TMCC1: variants seen among roughly 807,000 people sequenced by gnomAD.
TMCC1 encodes transmembrane and coiled-coil domain family 1, also known as transmembrane and coiled-coil domains protein 1.
In TMCC1, 15 loss-of-function variants were observed where a neutral mutation model predicts 52.4. That is an observed-to-expected ratio of 0.29 (90% confidence interval 0.19 to 0.44). The LOEUF is 0.44. Ranked by LOEUF, TMCC1 falls within the 20% of genes least tolerant of loss-of-function variation. The pLI is 1.00. For synonymous variants in TMCC1, 279 were observed against 301.9 expected, an observed-to-expected ratio of 0.92 and a Z score of 0.79; for missense variants, 503 against 806.0, an observed-to-expected ratio of 0.62 and a Z score of 4.55.
intron 4 of TMCC1, among the ~76,000 whole-genome samples, chr3:129,743,325 G>A (rs1237859597): frequency 6.6e-6 from 1 of 152,118 alleles, no homozygotes; most frequent in Non-Finnish European, 1.5e-5. Flanking sequence ...AGGATGATTT[G>A]CTTGTAGTTT....
At chr3:129,728,883 T>A (rs184399617) in intron 4 of TMCC1, among the ~76,000 whole-genome samples, 151 of 152,352 alleles carry the variant, frequency 9.9e-4, no homozygotes, top group African/African-American at 3.4e-3. Flanking sequence ...GCATAAAGGA[T>A]GATGCATGTA....
intron 4 of TMCC1, among the ~76,000 whole-genome samples, chr3:129,707,909 C>A (rs890503544): frequency 6.6e-6 from 1 of 150,414 alleles, no homozygotes; most frequent in Non-Finnish European, 1.5e-5. Flanking sequence ...TCCAGCCTGG[C>A]GACAGAGCAA....
chr3:129,859,429 G>A (rs2060282944), intron 2 of TMCC1, among the ~76,000 whole-genome samples: 1 of 152,098 alleles, frequency 6.6e-6, no homozygotes. Flanking sequence ...TTGAGGCCAG[G>A]AGTTTGAGAA....
At chr3:129,788,702 T>A (rs1653328479) in intron 4 of TMCC1, among the ~76,000 whole-genome samples, 1 of 151,842 alleles carries the variant, frequency 6.6e-6, no homozygotes, top group Admixed American at 6.6e-5. Context: ...TCTCCTGACC[T>A]CGTGATCCGC....
At chr3:129,814,783 C>A (rs2058014907) in intron 4 of TMCC1, among the ~76,000 whole-genome samples, 1 of 152,008 alleles carries the variant, frequency 6.6e-6, no homozygotes, top group South Asian at 2.1e-4. Context: ...GATTACAAAT[C>A]GAAGACTATA....
chr3:129,815,141 A>G (rs2058034006), intron 4 of TMCC1, among the ~76,000 whole-genome samples: 1 of 152,192 alleles, frequency 6.6e-6, no homozygotes, highest in African/African-American at 2.4e-5. Flanking sequence ...TCTCCAGAAG[A>G]GACCATATCT....
chr3:129,855,680 C>A (rs1342736921), intron 2 of TMCC1, among the ~76,000 whole-genome samples: 1 of 152,142 alleles, frequency 6.6e-6, no homozygotes, highest in East Asian at 1.9e-4. Flanking sequence ...ACAACAAAAA[C>A]CCCACATGAC....
chr3:129,708,727 A>G (rs1049820834), intron 4 of TMCC1, among the ~76,000 whole-genome samples: 1 of 152,226 alleles, frequency 6.6e-6, no homozygotes, highest in African/African-American at 2.4e-5. Context: ...CCAGGCTGAC[A>G]TTTATCTAAA....
chr3:129,872,052 T>C (rs2060956939), intron 2 of TMCC1, among the ~76,000 whole-genome samples: 1 of 152,224 alleles, frequency 6.6e-6, no homozygotes, highest in African/African-American at 2.4e-5. Context: ...ATTTTGAAAA[T>C]ATCTGTTAAA....
At chr3:129,881,442 A>G (rs75410224) in intron 1 of TMCC1, among the ~76,000 whole-genome samples, 4,553 of 152,308 alleles carry the variant, frequency 0.03, 99 homozygotes, top group Middle Eastern at 0.054. Flanking sequence ...TATAAAACAA[A>G]TATCATAGAA....
intron 4 of TMCC1, among the ~76,000 whole-genome samples, chr3:129,783,355 A>G (rs1460167384): frequency 6.6e-6 from 1 of 152,190 alleles, no homozygotes; most frequent in Non-Finnish European, 1.5e-5. Flanking sequence ...TAGAGATACA[A>G]TTTCCTAAAT....
chr3:129,872,302 A>C (rs1488887424), intron 2 of TMCC1, among the ~76,000 whole-genome samples: 1 of 152,166 alleles, frequency 6.6e-6, no homozygotes, highest in African/African-American at 2.4e-5. Context: ...GTGAAATGTA[A>C]TGAGACATTA....
At chr3:129,659,561 A>G (rs1156551206) in intron 5 of TMCC1, among the ~76,000 whole-genome samples, 1 of 152,154 alleles carries the variant, frequency 6.6e-6, no homozygotes, top group Non-Finnish European at 1.5e-5. Context: ...TTGGTATGTG[A>G]GGTGGTGAGG....
chr3:129,749,483 T>A (rs1415825939), intron 4 of TMCC1, among the ~76,000 whole-genome samples: 2 of 152,122 alleles, frequency 1.3e-5, no homozygotes, highest in Non-Finnish European at 2.9e-5. Context: ...TGCTTAATCT[T>A]GCTTTGATCT....
intron 4 of TMCC1, among the ~76,000 whole-genome samples, chr3:129,745,640 C>A (rs1249935877): frequency 7.2e-5 from 11 of 152,096 alleles, no homozygotes; most frequent in Admixed American, 6.5e-4. Context: ...TTTAAATAGA[C>A]ACAGCTGAAT....
chr3:129,800,925 ATTTTTTTT>A (rs11394617), intron 4 of TMCC1, among the ~76,000 whole-genome samples: 5 of 117,962 alleles, frequency 4.2e-5, no homozygotes, highest in African/African-American at 1.6e-4. Context: ...ATCTCACACT[ATTTTTTTT>A]TTTTTTTTTT....
At chr3:129,720,370 A>T (rs2049473014) in intron 4 of TMCC1, among the ~76,000 whole-genome samples, 1 of 152,170 alleles carries the variant, frequency 6.6e-6, no homozygotes, top group African/African-American at 2.4e-5. Context: ...TTCTTGTTGC[A>T]CTGAGATCTC....
chr3:129,865,876 G>C (rs1277528017), intron 2 of TMCC1, among the ~76,000 whole-genome samples: 1 of 152,106 alleles, frequency 6.6e-6, no homozygotes, highest in Non-Finnish European at 1.5e-5. Flanking sequence ...CAATGACTTT[G>C]GTAGAAGACA....
intron 1 of TMCC1, among the ~76,000 whole-genome samples, chr3:129,892,221 AAAACTCTTCAG>A (rs1371728845): frequency 2.6e-5 from 4 of 152,246 alleles, no homozygotes; most frequent in Admixed American, 1.3e-4. Flanking sequence ...TAAGCAGCTC[AAAACTCTTCAG>A]AAATTAAAAG....
Sources: gnomAD v4.1 joint callset for allele counts (sites outside exome capture counted in the v4.1 genomes callset) on GRCh38, gnomAD v4.1.1 for gene constraint, MANE v1.5 for transcripts, NCBI Gene and HGNC (gene_info 2026-07-23, HGNC 2026-07-21) for gene names.